SORCS2: variants seen among roughly 807,000 people sequenced by gnomAD.
The protein encoded by SORCS2 is VPS10 domain-containing receptor SorCS2.
In SORCS2, 100 loss-of-function variants were observed where a neutral mutation model predicts 141.6. That is an observed-to-expected ratio of 0.71 (90% CI 0.60 to 0.83). The LOEUF is 0.83. SORCS2 is among the 40% of genes least tolerant of loss of function. The pLI is 0.00. For synonymous variants in SORCS2, 789 were observed against 676.9 expected, an observed-to-expected ratio of 1.17 and a Z score of -2.57; for missense variants, 1,646 against 1,560.2, an observed-to-expected ratio of 1.05 and a Z score of -0.93.
intron 1 of SORCS2, among the ~76,000 whole-genome samples, chr4:7,223,840 T>G (rs1279040442): frequency 1.3e-5 from 2 of 152,096 alleles, no homozygotes; most frequent in Non-Finnish European, 2.9e-5. Flanking sequence ...TGACCCTGCC[T>G]GCCTCATTCT....
intron 2 of SORCS2, among the ~76,000 whole-genome samples, chr4:7,445,518 G>A (rs1179928218): frequency 1.3e-5 from 2 of 152,160 alleles, no homozygotes; most frequent in Non-Finnish European, 2.9e-5. Context: ...GCGGCAGCAG[G>A]TCCTGTGGAT....
At chr4:7,638,946 G>C (rs1028972200) in intron 4 of SORCS2, among the ~76,000 whole-genome samples, 3 of 152,178 alleles carry the variant, frequency 2.0e-5, no homozygotes, top group Admixed American at 2.0e-4. Flanking sequence ...CCCCAGATCA[G>C]CATCTCCTCC....
intron 2 of SORCS2, chr4:7,431,992 C>A (rs1475150295): frequency 6.6e-6 from 1 of 152,306 alleles, no homozygotes; most frequent in Non-Finnish European, 1.5e-5. Flanking sequence ...GTGTGAGCAC[C>A]TGCTGCGTGC....
intron 1 of SORCS2, among the ~76,000 whole-genome samples, chr4:7,327,206 A>G (rs1014360512): frequency 6.6e-6 from 1 of 152,322 alleles, no homozygotes; most frequent in East Asian, 1.9e-4. Context: ...TTCTGGAGGC[A>G]GAGGTCTATA....
At chr4:7,390,182 G>C (rs772641496) in intron 1 of SORCS2, among the ~76,000 whole-genome samples, 1 of 152,196 alleles carries the variant, frequency 6.6e-6, no homozygotes, top group Non-Finnish European at 1.5e-5. Flanking sequence ...ATTGATTTTG[G>C]AGTTGGCAAT....
intron 14 of SORCS2, among the ~76,000 whole-genome samples, chr4:7,704,688 G>A (rs1310817960): frequency 1.3e-5 from 2 of 152,244 alleles, no homozygotes; most frequent in East Asian, 3.9e-4. Context: ...GCCAAAAAAG[G>A]CACCATGAGG....
chr4:7,575,606 T>A (rs1176813429), intron 3 of SORCS2, among the ~76,000 whole-genome samples: 1 of 152,222 alleles, frequency 6.6e-6, no homozygotes, highest in Non-Finnish European at 1.5e-5. Context: ...TATCAGTTTT[T>A]AAAATTAAAT....
chr4:7,280,425 G>C (rs1445945250), intron 1 of SORCS2, among the ~76,000 whole-genome samples: 4 of 152,228 alleles, frequency 2.6e-5, no homozygotes, highest in East Asian at 3.8e-4. Context: ...GAATTTGTGT[G>C]AAAGAGTGTG....
chr4:7,698,576 G>A (rs1435133254), intron 12 of SORCS2, among the ~76,000 whole-genome samples: 1 of 152,270 alleles, frequency 6.6e-6, no homozygotes, highest in Non-Finnish European at 1.5e-5. Context: ...GGGTGAAATA[G>A]AAGGTGTTCT....
intron 3 of SORCS2, among the ~76,000 whole-genome samples, chr4:7,599,711 C>T (rs994475178): frequency 4.6e-5 from 7 of 152,158 alleles, no homozygotes; most frequent in East Asian, 1.9e-4. Flanking sequence ...GCATGGATGA[C>T]GAGGGGCTGT....
At chr4:7,527,274 CT>C (rs1269272070) in intron 2 of SORCS2, among the ~76,000 whole-genome samples, 2 of 152,260 alleles carry the variant, frequency 1.3e-5, no homozygotes, top group Admixed American at 1.3e-4. Flanking sequence ...GAAACTGTGA[CT>C]ATGCTACCTT....
intron 2 of SORCS2, among the ~76,000 whole-genome samples, chr4:7,397,409 C>T (rs1724284260): frequency 6.6e-6 from 1 of 151,904 alleles, no homozygotes; most frequent in Admixed American, 6.6e-5. Flanking sequence ...ACTCACAGTC[C>T]CCCGAGTAGT....
intron 1 of SORCS2, among the ~76,000 whole-genome samples, chr4:7,270,596 A>T (rs757134389): frequency 3.9e-5 from 6 of 152,212 alleles, no homozygotes; most frequent in Non-Finnish European, 4.4e-5. Context: ...TGTTGCTAAG[A>T]AGATTGTTGC....
chr4:7,507,248 C>T (rs1301364960), intron 2 of SORCS2, among the ~76,000 whole-genome samples: 2 of 152,024 alleles, frequency 1.3e-5, no homozygotes, highest in Non-Finnish European at 2.9e-5. Context: ...GATCTCAGTT[C>T]ACTGCAACCT....
intron 2 of SORCS2, among the ~76,000 whole-genome samples, chr4:7,441,528 G>T (rs1727665061): frequency 6.6e-6 from 1 of 151,976 alleles, no homozygotes; most frequent in South Asian, 2.1e-4. Context: ...GGAGAGGGAA[G>T]CGCCCTTGCC....
rs1725272025 is a variant in SORCS2 at position 7,704,271 on chromosome 4, A to G, written c.1855A>G (p.Thr619Ala). Residue 619 changes from threonine (T) to alanine (A), a missense_variant, in exon 14 of 27, where the codon ACG (threonine) becomes GCG (alanine). Coordinates refer to ENST00000507866, the MANE Select transcript of SORCS2 (RefSeq NM_020777.3). ...DGLLSEPGDE[T>A]LVMTVFGHIS... is the part of the protein sequence containing the mutation. ...GCTGCTGAGTGAGCCAGGGGACGAG[A>G]CGCTGGTCATGACGTGAGTGCGGGG... 1 of 1,611,450 alleles carries G rather than the reference A, an allele frequency of 6.2e-7. No homozygotes were observed. Among genetic ancestry groups the G allele is most frequent in the Non-Finnish European group, 8.5e-7 (1 of 1,179,118 alleles).
chr4:7,291,743 C>T (rs1716616693), intron 1 of SORCS2, among the ~76,000 whole-genome samples: 2 of 152,302 alleles, frequency 1.3e-5, no homozygotes, highest in South Asian at 2.1e-4. Flanking sequence ...TCTTATGTCT[C>T]ATCTATCCCT....
At chr4:7,633,626 A>G (rs930373600) in intron 3 of SORCS2, among the ~76,000 whole-genome samples, 8 of 152,200 alleles carry the variant, frequency 5.3e-5, no homozygotes, top group Non-Finnish European at 1.2e-4. Flanking sequence ...AGTGGTGAAG[A>G]CGCATAAGTG....
intron 3 of SORCS2, among the ~76,000 whole-genome samples, chr4:7,587,750 C>T (rs1716635783): frequency 6.6e-6 from 1 of 152,172 alleles, no homozygotes; most frequent in Non-Finnish European, 1.5e-5. Flanking sequence ...GTAAACTGGC[C>T]CGTCAGGGAC....
Sources: gnomAD v4.1 joint callset for allele counts (sites outside exome capture counted in the v4.1 genomes callset) on GRCh38, gnomAD v4.1.1 for gene constraint, MANE v1.5 for transcripts, NCBI Gene and HGNC (gene_info 2026-07-23, HGNC 2026-07-21) for gene names.